Variants in RGS12 observed in about 807,000 individuals in gnomAD.
RGS12 encodes the protein regulator of G-protein signaling 12.
RGS12 carries 66 observed loss-of-function variants against 120.1 expected under a neutral mutation model. That is an observed-to-expected ratio of 0.55 (90% confidence interval 0.45 to 0.67). The LOEUF is 0.67. Among genes scored for constraint, RGS12 ranks in the 30% least tolerant of loss-of-function variants. The pLI is 0.00. For missense variants in RGS12, 1,859 were observed against 1,957.7 expected, an observed-to-expected ratio of 0.95 and a Z score of 0.95; for synonymous variants, 827 against 804.7, an observed-to-expected ratio of 1.03 and a Z score of -0.47.
chr4:3,432,260 T>C (rs536911628), intron 17 of RGS12: 54 of 791,818 alleles, frequency 6.8e-5, no homozygotes, highest in Non-Finnish European at 7.3e-5. Context: ...AGGGGAAATA[T>C]CACACATTTT....
chr4:3,432,608 C>T (rs115093693), intron 17 of RGS12, among the ~76,000 whole-genome samples: 2,490 of 152,264 alleles, frequency 0.016, 67 homozygotes, highest in African/African-American at 0.056. Context: ...TGGTTTACAG[C>T]GCAGGCCCAG....
At chr4:3,415,501 C>T (rs1321763816) in intron 6 of RGS12, among the ~76,000 whole-genome samples, 2 of 152,200 alleles carry the variant, frequency 1.3e-5, no homozygotes, top group Admixed American at 6.5e-5. Context: ...CATCCCGGGC[C>T]GTGCTTTCGC....
intron 3 of RGS12, among the ~76,000 whole-genome samples, chr4:3,352,703 A>T (rs140902399): frequency 5.9e-5 from 9 of 152,330 alleles, no homozygotes; most frequent in African/African-American, 1.9e-4. Flanking sequence ...TGCTAGGCAG[A>T]TGTCCTCGCA....
chr4:3,400,473 A>G (rs1720467002), intron 4 of RGS12, among the ~76,000 whole-genome samples: 1 of 152,182 alleles, frequency 6.6e-6, no homozygotes, highest in African/African-American at 2.4e-5. Context: ...TTAATAGATT[A>G]AAGGACGAAA....
upstream of RGS12, among the ~76,000 whole-genome samples, chr4:3,291,251 C>T (rs529546947): frequency 3.4e-4 from 51 of 152,194 alleles, no homozygotes; most frequent in African/African-American, 1.1e-3. Flanking sequence ...TCTGGCTTGG[C>T]GCTGCTCTGG....
intron 5 of RGS12, chr4:3,414,497 CA>C (rs1722564878): frequency 1.7e-6 from 1 of 598,508 alleles, no homozygotes; most frequent in South Asian, 2.1e-5. Context: ...CAGCCCGCAG[CA>C]CTGGAGCTTC....
At chr4:3,404,070 T>G (rs1254731593) in intron 4 of RGS12, among the ~76,000 whole-genome samples, 2 of 152,212 alleles carry the variant, frequency 1.3e-5, no homozygotes, top group Non-Finnish European at 2.9e-5. Context: ...TCCAGGTTGT[T>G]GGAGGGTAGC....
chr4:3,372,454 G>C lies in RGS12; in HGVS notation c.1999-13962G>C, dbSNP rs1717118980. Among the ~76,000 whole-genome samples the C allele has an allele frequency of 6.6e-6, 1 of 152,230 alleles. No homozygotes were observed. The highest frequency in any genetic ancestry group is 2.1e-4 in the South Asian group (1 of 4,830). ...TGCTGGCGCACGGCTGGACAAGCAT[G>C]ACAGTTGTCGCGGAGCCGCCCGAGC... On this transcript the variant is annotated intron_variant, in intron 3 of 17. Transcript: ENST00000336727. The surrounding 1 kb of genome is among the most constrained non-coding windows in gnomAD (Gnocchi z 4.3).
intron 4 of RGS12, among the ~76,000 whole-genome samples, chr4:3,408,694 G>T (rs1721415839): frequency 6.6e-6 from 1 of 152,200 alleles, no homozygotes; most frequent in African/African-American, 2.4e-5. Context: ...GCTGGGTCAT[G>T]AGTTTTCTGT....
At chr4:3,435,471 G>C (rs937086701) in intron 17 of RGS12, among the ~76,000 whole-genome samples, 1 of 152,068 alleles carries the variant, frequency 6.6e-6, no homozygotes, top group Non-Finnish European at 1.5e-5. Flanking sequence ...ACTGGTCTCA[G>C]GCCTGCAAAG....
chr4:3,389,579 G>A lies in RGS12; in HGVS notation c.2020+3142G>A, dbSNP rs1006916412. On this transcript the variant is annotated intron_variant, in intron 4 of 17. Coordinates refer to ENST00000336727, the MANE Select transcript of RGS12 (RefSeq NM_001394154.1). The surrounding 1 kb of genome is among the most constrained non-coding windows in gnomAD (Gnocchi z 5.2). ...GAAGCCCGTTCTTGTGGCTTCCTCC[G>A]TTGGTCAAGCTCTGTGCCAAGAGGC... 1.1e-4 allele frequency among the ~76,000 whole-genome samples: 17 copies of A among 152,138 alleles called. No homozygotes were observed. Among genetic ancestry groups the A allele is most frequent in the African/African-American group, 3.6e-4 (15 of 41,418 alleles).
At chr4:3,302,684 C>T (rs542381993) in intron 1 of RGS12, among the ~76,000 whole-genome samples, 5 of 152,308 alleles carry the variant, frequency 3.3e-5, no homozygotes, top group East Asian at 1.9e-4. Context: ...AGAAGGGAGG[C>T]GCCCCAGGAG....
Position 3,316,275 on chromosome 4 carries a change from G to C in RGS12, c.105G>C (p.Thr35=). The change falls in exon 2 of 18, where the codon ACG becomes ACC. Residue 35 remains threonine (T), a synonymous_variant. Coordinates refer to ENST00000336727, the MANE Select transcript of RGS12 (RefSeq NM_001394154.1). ...GGGGGAGGGCCGGCTACGGATTCAC[G>C]CTTTCGGGACAGGCACCCTGTGTGC... ...VARGRAGYGF[T]LSGQAPCVLS... The C allele has an allele frequency of 1.2e-6, 2 of 1,613,946 alleles. No individual in the cohort carries two copies. The highest frequency in any genetic ancestry group is 8.5e-7 in the Non-Finnish European group (1 of 1,179,890).
intron 3 of RGS12, among the ~76,000 whole-genome samples, chr4:3,377,910 T>C (rs549801175): frequency 1.3e-5 from 2 of 152,360 alleles, no homozygotes; most frequent in African/African-American, 4.8e-5. Flanking sequence ...AGGCATGTTA[T>C]AGAAATTTTT....
At chr4:3,376,135 C>T (rs115277844) in intron 3 of RGS12, among the ~76,000 whole-genome samples, 1,729 of 152,290 alleles carry the variant, frequency 0.011, 26 homozygotes, top group African/African-American at 0.038. Context: ...TCTTAGGCTC[C>T]GCCAAGGATA....
At chr4:3,344,327 A>G (rs1324464527) in intron 3 of RGS12, among the ~76,000 whole-genome samples, 2 of 152,150 alleles carry the variant, frequency 1.3e-5, no homozygotes, top group African/African-American at 2.4e-5. Flanking sequence ...ATCGGCTGCA[A>G]TGGGGTGCTC....
chr4:3,423,313 C>T (rs766462900), intron 12 of RGS12, among the ~76,000 whole-genome samples: 1 of 152,188 alleles, frequency 6.6e-6, no homozygotes, highest in Non-Finnish European at 1.5e-5. Flanking sequence ...CACTGCTATC[C>T]CTGGAGGAGG....
At position 3,302,581 on chromosome 4, in the gene RGS12, T is replaced by C. The variant is rs115007791; in HGVS notation, c.-102+9482T>C. 2.0e-3 allele frequency among the ~76,000 whole-genome samples: 305 copies of C among 152,292 alleles called. 1 individual carries two copies. Among genetic ancestry groups the C allele is most frequent in the African/African-American group, 7.0e-3 (291 of 41,570 alleles). ...CCGCTCCCCCTGCTTACAGAAGTGG[T>C]TCCTCCTGCCCCTTGCACGGGGGCC... On this transcript the variant is annotated intron_variant, in intron 1 of 17. Coordinates refer to ENST00000336727, the MANE Select transcript of RGS12 (RefSeq NM_001394154.1).
chr4:3,357,664 A>G (rs921132692), intron 3 of RGS12, among the ~76,000 whole-genome samples: 18 of 152,254 alleles, frequency 1.2e-4, no homozygotes, highest in Non-Finnish European at 2.1e-4. Context: ...GTCAAAAATG[A>G]TTTGACTATT....
Sources: allele counts gnomAD v4.1 joint callset (sites outside exome capture counted in the v4.1 genomes callset), GRCh38; gene constraint gnomAD v4.1.1; non-coding constraint Gnocchi (gnomAD v3.1); transcripts MANE v1.5; gene names NCBI Gene and HGNC (gene_info 2026-07-23, HGNC 2026-07-21).